The following ZMAT1 variants were observed in gnomAD, a reference collection of about 807,000 sequenced individuals.
The protein encoded by ZMAT1 is zinc finger matrin-type 1.
A neutral mutation model predicts 18.5 loss-of-function variants in ZMAT1; 11 were observed. The ratio of observed to expected loss-of-function variants is 0.59; its 90% CI spans 0.37 to 0.98. The LOEUF (loss-of-function observed/expected upper bound fraction) is 0.98, where lower values mean the gene tolerates loss of function less well. Among genes scored for constraint, ZMAT1 ranks in the 50% least tolerant of loss-of-function variants. ZMAT1 has a pLI of 0.01. For missense variants in ZMAT1, 525 were observed against 496.2 expected, an observed-to-expected ratio of 1.06 and a Z score of -0.55; for synonymous variants, 211 against 176.4, an observed-to-expected ratio of 1.20 and a Z score of -1.55.
At chrX:101,890,727 C>CGG (rs1156482624) in intron 4 of ZMAT1, among the ~76,000 whole-genome samples, 1 of 110,355 alleles carries the variant, frequency 9.1e-6, no homozygotes, top group Non-Finnish European at 1.9e-5. Context: ...CAGCATAATA[C>CGG]GGGGGTCTGA....
Position 101,931,803 on chromosome X carries a change from C to CCGCCGCCGT in ZMAT1, c.197_205dup (p.Asp66_Gly68dup). The CCGCCGCCGT allele has an allele frequency of 1.3e-6, 1 of 783,207 alleles. No individual in the cohort carries two copies. The highest frequency in any genetic ancestry group is 1.5e-6 in the Non-Finnish European group (1 of 660,067). 64.5% of individuals were successfully genotyped at this position (783,207 alleles called of 1,213,427 possible). On this transcript the variant is annotated inframe_insertion, in exon 1 of 6. Transcript: ENST00000651725. ...CATAGTGGAGCCGCCAAAGCCGCCGCCGCCGCCGTCGCCACAGCCACCGGC... is the reference window on the plus strand; with the variant it reads ...CATAGTGGAGCCGCCAAAGCCGCCGCCGCCGCCGTCGCCGCCGTCGCCACAGCCACCGGC...
chrX:101,923,482 C>T (rs770662893), intron 1 of ZMAT1, among the ~76,000 whole-genome samples: 3 of 111,678 alleles, frequency 2.7e-5, no homozygotes, highest in African/African-American at 9.8e-5. Context: ...CTTCCAAATA[C>T]GAAGCACAGA....
At chrX:101,889,479 T>C in intron 4 of ZMAT1, 1 of 111,768 alleles carries the variant, frequency 8.9e-6, no homozygotes, top group Non-Finnish European at 1.9e-5. Context: ...AAGGTCTTTG[T>C]TTTCAAAGCA....
chrX:101,916,602 C>T (rs1929351181), intron 1 of ZMAT1, among the ~76,000 whole-genome samples: 2 of 111,107 alleles, frequency 1.8e-5, no homozygotes, highest in South Asian at 7.5e-4. Context: ...TTAAAATCTC[C>T]ATAGGACCCA....
chrX:101,914,949 G>A, intron 1 of ZMAT1, among the ~76,000 whole-genome samples: 1 of 111,505 alleles, frequency 9.0e-6, no homozygotes, highest in South Asian at 3.7e-4. Flanking sequence ...ACAAAATATA[G>A]CAAACAGAAT....
intron 1 of ZMAT1, among the ~76,000 whole-genome samples, chrX:101,929,456 T>TATAC (rs1161232053): frequency 0.015 from 1,294 of 85,288 alleles, 22 homozygotes; most frequent in African/African-American, 0.027. Context: ...TATATATATA[T>TATAC]ACACACAGAG....
chrX:101,923,314 C>T (rs923194167), intron 1 of ZMAT1, among the ~76,000 whole-genome samples: 1 of 111,936 alleles, frequency 8.9e-6, no homozygotes, highest in African/African-American at 3.2e-5. Flanking sequence ...TATTAACTAG[C>T]TGTGTGACTA....
At chrX:101,923,464 C>T (rs1287898200) in intron 1 of ZMAT1, among the ~76,000 whole-genome samples, 1 of 111,756 alleles carries the variant, frequency 8.9e-6, no homozygotes, top group Non-Finnish European at 1.9e-5. Context: ...GACCCAAACA[C>T]CTAGCTGCTT....
At chrX:101,894,921 G>GA (rs906661094) in intron 4 of ZMAT1, 279 of 730,735 alleles carry the variant, frequency 3.8e-4, no homozygotes, top group Non-Finnish European at 4.1e-4. Context: ...GGGGAAAAAT[G>GA]AAAAAAAAAT....
chrX:101,910,674 T>C (rs1364166443), intron 1 of ZMAT1, among the ~76,000 whole-genome samples: 2 of 111,724 alleles, frequency 1.8e-5, no homozygotes, highest in African/African-American at 3.3e-5. Context: ...GCAGAACAGA[T>C]AAAGCAGAAG....
Position 101,882,740 on chromosome X carries a change from CT to C in ZMAT1, c.*769del, listed in dbSNP as rs1277323872. 9.1e-6 allele frequency: 1 copy of C among 110,436 alleles called. No individual in the cohort carries two copies. The highest frequency in any genetic ancestry group is 1.9e-5 in the Non-Finnish European group (1 of 52,537). 9.1% of individuals were successfully genotyped at this position (110,436 alleles called of 1,213,427 possible). A position where few individuals can be genotyped will look rare whatever the true frequency, so the allele number is the denominator to read the frequency against. ...TGAGAAACATTTAATAATTTTTTTTCTTTTTTAAGAAAATGAAGGAAAGTAA... is the reference window on the plus strand; with the variant it reads ...TGAGAAACATTTAATAATTTTTTTTCTTTTTAAGAAAATGAAGGAAAGTAA... On this transcript the variant is annotated 3_prime_UTR_variant, in exon 6 of 6. Transcript: ENST00000651725.
At chrX:101,896,209 T>C in intron 4 of ZMAT1, among the ~76,000 whole-genome samples, 1 of 112,094 alleles carries the variant, frequency 8.9e-6, no homozygotes, top group Non-Finnish European at 1.9e-5. Flanking sequence ...ATAAAACATA[T>C]GATATTAACT....
At chrX:101,911,370 C>T (rs1266094979) in intron 1 of ZMAT1, among the ~76,000 whole-genome samples, 1 of 111,807 alleles carries the variant, frequency 8.9e-6, no homozygotes, top group East Asian at 2.8e-4. Context: ...AGTAAATACA[C>T]AGAAAACCAC....
At chrX:101,917,148 C>T in intron 1 of ZMAT1, among the ~76,000 whole-genome samples, 1 of 111,981 alleles carries the variant, frequency 8.9e-6, no homozygotes, top group African/African-American at 3.2e-5. Context: ...TTGAGCAATA[C>T]CCCACAAGCA....
rs1930496421 is a variant in ZMAT1 at position 101,931,616 on chromosome X, G to GC, written c.292+100_292+101insG. ...CCTTTACTGCGCCACGGCAGGTGGGGGTGGGGCAGTGGCGAACCGCGCCCA... is the reference window on the plus strand; with the variant it reads ...CCTTTACTGCGCCACGGCAGGTGGGGCGTGGGGCAGTGGCGAACCGCGCCCA... On this transcript the variant is annotated intron_variant, in intron 1 of 5. Transcript: ENST00000651725. 8.4e-6 allele frequency: 6 copies of GC among 712,276 alleles called. No individual in the cohort carries two copies. In the South Asian group the frequency reaches 2.9e-4, roughly 34 times the overall value. 58.7% of individuals were successfully genotyped at this position (712,276 alleles called of 1,213,427 possible). A position where few individuals can be genotyped will look rare whatever the true frequency, so the allele number is the denominator to read the frequency against.
chrX:101,891,490 T>C (rs146190286), intron 4 of ZMAT1, among the ~76,000 whole-genome samples: 137 of 110,957 alleles, frequency 1.2e-3, no homozygotes, highest in Non-Finnish European at 2.1e-3. Flanking sequence ...AGGCAGAAGA[T>C]AGGTCAGAGA....
chrX:101,904,359 A>G (rs1346963193), intron 1 of ZMAT1, 29 bp from the exon 2 acceptor site: 8 of 1,004,470 alleles, frequency 8.0e-6, no homozygotes, highest in Non-Finnish European at 1.1e-5. Context: ...AGACAAATAT[A>G]TCACATTAAT....
chrX:101,909,543 G>A (rs754085133), intron 1 of ZMAT1, among the ~76,000 whole-genome samples: 1 of 111,770 alleles, frequency 8.9e-6, no homozygotes, highest in Non-Finnish European at 1.9e-5. Context: ...AGCTCACAGC[G>A]CTGAAATGTG....
intron 1 of ZMAT1, among the ~76,000 whole-genome samples, chrX:101,922,772 C>A (rs1299709202): frequency 9.0e-6 from 1 of 110,886 alleles, no homozygotes; most frequent in Admixed American, 9.7e-5. Context: ...TCGATCCACC[C>A]GACCCCCAAC....
Sources: gnomAD v4.1 joint callset for allele counts (sites outside exome capture counted in the v4.1 genomes callset) on GRCh38, gnomAD v4.1.1 for gene constraint, MANE v1.5 for transcripts, NCBI Gene and HGNC (gene_info 2026-07-23, HGNC 2026-07-21) for gene names.